The following ARHGEF10L variants were observed in gnomAD, a reference collection of about 807,000 sequenced individuals.
ARHGEF10L encodes Rho guanine nucleotide exchange factor 10 like, also known as rho guanine nucleotide exchange factor 10-like protein.
ARHGEF10L carries 69 observed loss-of-function variants against 141.2 expected under a neutral mutation model. The ratio of observed to expected loss-of-function variants is 0.49; its 90% CI spans 0.40 to 0.60. ARHGEF10L has a LOEUF of 0.60. Among genes scored for constraint, ARHGEF10L ranks in the 20% least tolerant of loss-of-function variants. The pLI is 0.00. For synonymous variants in ARHGEF10L, 711 were observed against 718.5 expected (o/e 0.99, Z 0.17); for missense variants, 1,482 against 1,734.3 (o/e 0.85, Z 2.58).
intron 22 of ARHGEF10L, among the ~76,000 whole-genome samples, chr1:17,653,250 A>G (rs555993085): frequency 1.3e-5 from 2 of 152,246 alleles, no homozygotes; most frequent in Non-Finnish European, 2.9e-5. Context: ...TGTTGGCTGT[A>G]CCTAAAGCTG....
At chr1:17,647,234 G>T (rs2061658329) in intron 21 of ARHGEF10L, among the ~76,000 whole-genome samples, 1 of 152,164 alleles carries the variant, frequency 6.6e-6, no homozygotes, top group African/African-American at 2.4e-5. Flanking sequence ...TCTGGGTGCT[G>T]CCCCCTAGCC....
chr1:17,652,161 A>C (rs560783282), intron 22 of ARHGEF10L, among the ~76,000 whole-genome samples: 7 of 152,302 alleles, frequency 4.6e-5, no homozygotes, highest in African/African-American at 1.7e-4. Flanking sequence ...TGCTGGCCAC[A>C]GTGTAGACAG....
intron 1 of ARHGEF10L, among the ~76,000 whole-genome samples, chr1:17,557,618 T>C (rs765251878): frequency 1.2e-4 from 18 of 152,158 alleles, no homozygotes; most frequent in Non-Finnish European, 1.8e-4. Context: ...GGAATCCCCA[T>C]GTTTGAAAAG....
intron 27 of ARHGEF10L, among the ~76,000 whole-genome samples, chr1:17,689,476 T>A (rs2064891170): frequency 2.6e-3 from 1 of 386 alleles, no homozygotes; most frequent in Non-Finnish European, 4.5e-3. Flanking sequence ...CCTCCCTGCC[T>A]CCTTCCCCTA....
intron 4 of ARHGEF10L, among the ~76,000 whole-genome samples, chr1:17,597,258 A>G (rs376241392): frequency 6.6e-6 from 1 of 152,108 alleles, no homozygotes. Context: ...AGGGTGAGAT[A>G]ATTGCCTCTT....
chr1:17,634,590 C>T, intron 17 of ARHGEF10L, 28 bp downstream of exon 17: 1 of 1,603,642 alleles, frequency 6.2e-7, no homozygotes, highest in Non-Finnish European at 8.5e-7. Flanking sequence ...CTCCGGGGCT[C>T]TGGGGCTCTG....
intron 1 of ARHGEF10L, among the ~76,000 whole-genome samples, chr1:17,564,794 C>T (rs548035397): frequency 2.0e-5 from 3 of 152,300 alleles, no homozygotes; most frequent in Admixed American, 6.5e-5. Flanking sequence ...GCCCTTAGCA[C>T]GCAGTTAACA....
chr1:17,618,532 T>C, intron 9 of ARHGEF10L: 1 of 1,400,954 alleles, frequency 7.1e-7, no homozygotes, highest in Non-Finnish European at 9.3e-7. Flanking sequence ...GGTAAGGGCC[T>C]ATTGGGGTGT....
At position 17,619,158 on chromosome 1, in the gene ARHGEF10L, C is replaced by T. The variant is rs796395337; in HGVS notation, c.836-181C>T. On this transcript the variant is annotated intron_variant, in intron 9 of 28. Coordinates refer to ENST00000361221, the MANE Select transcript of ARHGEF10L (RefSeq NM_018125.4). The surrounding 1 kb of genome is among the most constrained non-coding windows in gnomAD (Gnocchi z 5.0). Reference sequence around the variant, plus strand: ...TGATGGAATGTTCCAGGCCCTGGGACGTAGCAGGGAACTCCTGAGAAGGAG... The same window carrying T: ...TGATGGAATGTTCCAGGCCCTGGGATGTAGCAGGGAACTCCTGAGAAGGAG... Among the ~76,000 whole-genome samples the T allele has an allele frequency of 3.3e-5, 5 of 152,240 alleles. No homozygotes were observed. The highest frequency in any genetic ancestry group is 2.1e-4 in the South Asian group (1 of 4,816).
At chr1:17,691,066 C>G (rs2065067535) in intron 27 of ARHGEF10L, 4 of 445,472 alleles carry the variant, frequency 9.0e-6, no homozygotes, top group Admixed American at 7.6e-5. Flanking sequence ...CACTCGCATA[C>G]TCGACTGGTA....
chr1:17,686,426 T>C (rs1203502910), intron 26 of ARHGEF10L, among the ~76,000 whole-genome samples: 1 of 152,222 alleles, frequency 6.6e-6, no homozygotes, highest in Non-Finnish European at 1.5e-5. Context: ...CACAGTCTTA[T>C]GTGGGAAGTG....
At chr1:17,576,164 G>A (rs2078214250) in intron 1 of ARHGEF10L, among the ~76,000 whole-genome samples, 1 of 152,126 alleles carries the variant, frequency 6.6e-6, no homozygotes, top group South Asian at 2.1e-4. Context: ...AGCTTGATGT[G>A]TGAGGGGTGG....
At chr1:17,671,488 G>C (rs1467905985) in intron 26 of ARHGEF10L, among the ~76,000 whole-genome samples, 1 of 152,172 alleles carries the variant, frequency 6.6e-6, no homozygotes, top group East Asian at 1.9e-4. Context: ...CACCAGCCTT[G>C]TGGTGTTTCT....
At chr1:17,536,445 C>A (rs1054031955), upstream of ARHGEF10L, among the ~76,000 whole-genome samples, 7 of 152,090 alleles carry the variant, frequency 4.6e-5, no homozygotes, top group African/African-American at 1.4e-4. Flanking sequence ...TCATTGCACA[C>A]TGGCCTCAAT....
At chr1:17,581,301 G>A (rs1433979427) in intron 2 of ARHGEF10L, among the ~76,000 whole-genome samples, 2 of 72,186 alleles carry the variant, frequency 2.8e-5, no homozygotes, top group East Asian at 4.7e-4. Flanking sequence ...GACAGAGCAA[G>A]ACTGTCTCAA....
At chr1:17,560,622 A>G (rs539957078) in intron 1 of ARHGEF10L, among the ~76,000 whole-genome samples, 6 of 152,188 alleles carry the variant, frequency 3.9e-5, no homozygotes, top group Non-Finnish European at 7.4e-5. Context: ...CTGGAGTACA[A>G]TGGCGCAATC....
intron 4 of ARHGEF10L, among the ~76,000 whole-genome samples, chr1:17,593,164 G>A (rs774462797): frequency 6.6e-5 from 10 of 152,140 alleles, no homozygotes; most frequent in Admixed American, 1.3e-4. Flanking sequence ...ATCCTGTGAC[G>A]TTCCTCCCTG....
At chr1:17,638,280 A>T (rs2061132314) in intron 19 of ARHGEF10L, among the ~76,000 whole-genome samples, 4 of 152,064 alleles carry the variant, frequency 2.6e-5, no homozygotes, top group Admixed American at 2.6e-4. Context: ...CCATTCCGTT[A>T]TGTGGCCCCT....
At chr1:17,585,478 C>T (rs1006802430) in intron 2 of ARHGEF10L, among the ~76,000 whole-genome samples, 2 of 152,160 alleles carry the variant, frequency 1.3e-5, no homozygotes, top group Non-Finnish European at 2.9e-5. Flanking sequence ...CATCGCTGCC[C>T]AGAGTCCACC....
Sources: allele counts gnomAD v4.1 joint callset (sites outside exome capture counted in the v4.1 genomes callset), GRCh38; gene constraint gnomAD v4.1.1; non-coding constraint Gnocchi (gnomAD v3.1); transcripts MANE v1.5; gene names NCBI Gene and HGNC (gene_info 2026-07-23, HGNC 2026-07-21).